The following SPIDR variants were observed in gnomAD, a reference collection of about 807,000 sequenced individuals.
SPIDR encodes the protein scaffold protein involved in DNA repair, also known as DNA repair-scaffolding protein.
In SPIDR, 93 loss-of-function variants were observed where a neutral mutation model predicts 104.6. That is an observed-to-expected ratio of 0.89 (90% CI 0.75 to 1.06). SPIDR has a LOEUF of 1.06. SPIDR is among the 50% of genes least tolerant of loss of function. The pLI is 0.00. For synonymous variants in SPIDR, 431 were observed against 416.9 expected (o/e 1.03, Z -0.41); for missense variants, 1,154 against 1,111.2 (o/e 1.04, Z -0.55).
chr8:47,708,021 C>T (rs1303767277), intron 14 of SPIDR, among the ~76,000 whole-genome samples: 1 of 152,114 alleles, frequency 6.6e-6, no homozygotes, highest in East Asian at 1.9e-4. Flanking sequence ...TTTCCTGGGC[C>T]GGACACGGTG....
At chr8:47,387,920 C>A (rs1180112276) in intron 5 of SPIDR, among the ~76,000 whole-genome samples, 2 of 152,214 alleles carry the variant, frequency 1.3e-5, no homozygotes, top group African/African-American at 4.8e-5. Flanking sequence ...TCCTCCACAG[C>A]TTGCTCCTCA....
intron 19 of SPIDR, among the ~76,000 whole-genome samples, chr8:47,733,519 G>C (rs1305845908): frequency 6.6e-6 from 1 of 152,032 alleles, no homozygotes; most frequent in African/African-American, 2.4e-5. Context: ...AAGACCATAG[G>C]GTCATCTGTT....
intron 8 of SPIDR, among the ~76,000 whole-genome samples, chr8:47,505,226 A>G (rs936255142): frequency 6.6e-6 from 1 of 152,142 alleles, no homozygotes; most frequent in African/African-American, 2.4e-5. Context: ...TCCTGCCCCC[A>G]GAGGTGGAGG....
chr8:47,678,591 C>T (rs2076723560), intron 11 of SPIDR, among the ~76,000 whole-genome samples: 1 of 152,160 alleles, frequency 6.6e-6, no homozygotes, highest in Non-Finnish European at 1.5e-5. Flanking sequence ...TCAGAGCACC[C>T]ACTTTGGAGG....
intron 5 of SPIDR, among the ~76,000 whole-genome samples, chr8:47,323,158 C>G (rs935628896): frequency 1.3e-5 from 2 of 151,076 alleles, no homozygotes; most frequent in Admixed American, 1.3e-4. Context: ...ATGTGATAAA[C>G]TGTCATAGCT....
At chr8:47,685,355 CA>C (rs2077616589) in intron 11 of SPIDR, among the ~76,000 whole-genome samples, 1 of 151,910 alleles carries the variant, frequency 6.6e-6, no homozygotes. Flanking sequence ...AGTAAATGGG[CA>C]GGGTTTTGTT....
chr8:47,325,456 A>G (rs908822874), intron 5 of SPIDR, among the ~76,000 whole-genome samples: 21 of 152,216 alleles, frequency 1.4e-4, no homozygotes, highest in African/African-American at 5.1e-4. Context: ...AATTTGAAGG[A>G]TAAGATTTGT....
chr8:47,336,332 G>T (rs2049739387), intron 5 of SPIDR, among the ~76,000 whole-genome samples: 1 of 152,166 alleles, frequency 6.6e-6, no homozygotes, highest in African/African-American at 2.4e-5. Flanking sequence ...CAGGGGTTTG[G>T]TCTAGGTCCT....
intron 7 of SPIDR, among the ~76,000 whole-genome samples, chr8:47,412,217 T>G (rs2063632766): frequency 6.6e-6 from 1 of 152,242 alleles, no homozygotes; most frequent in South Asian, 2.1e-4. Context: ...TTGATGGGGA[T>G]GGCATTGAAT....
intron 11 of SPIDR, among the ~76,000 whole-genome samples, chr8:47,692,385 C>T (rs1314326750): frequency 2.6e-5 from 4 of 151,572 alleles, no homozygotes; most frequent in Non-Finnish European, 4.4e-5. Flanking sequence ...CCGTTCTGGA[C>T]GTTTCCTGTC....
At chr8:47,542,709 T>G (rs539808806) in intron 8 of SPIDR, among the ~76,000 whole-genome samples, 4 of 152,296 alleles carry the variant, frequency 2.6e-5, no homozygotes, top group African/African-American at 7.2e-5. Context: ...TTACCCAGTT[T>G]CCACTAAGGG....
At chr8:47,398,361 G>A (rs149648778) in intron 6 of SPIDR, among the ~76,000 whole-genome samples, 85 of 152,224 alleles carry the variant, frequency 5.6e-4, no homozygotes, top group African/African-American at 2.0e-3. Flanking sequence ...ATGGAGCCCC[G>A]CTTGTGTCGA....
intron 19 of SPIDR, among the ~76,000 whole-genome samples, chr8:47,730,906 C>T (rs998326520): frequency 6.6e-6 from 1 of 152,150 alleles, no homozygotes; most frequent in African/African-American, 2.4e-5. Flanking sequence ...AGTCTATGAG[C>T]GGGATCTTTG....
chr8:47,640,965 G>A (rs2068850216), intron 10 of SPIDR, among the ~76,000 whole-genome samples: 2 of 143,604 alleles, frequency 1.4e-5, no homozygotes, highest in South Asian at 2.2e-4. Flanking sequence ...TGCCCATCTC[G>A]GCCTCCCAAA....
intron 1 of SPIDR, among the ~76,000 whole-genome samples, chr8:47,274,737 G>A (rs894943208): frequency 5.9e-5 from 9 of 151,366 alleles, no homozygotes; most frequent in Admixed American, 5.3e-4. Context: ...GACCACACCC[G>A]GCTAATTTTT....
chr8:47,530,149 T>C (rs774140646), intron 8 of SPIDR, among the ~76,000 whole-genome samples: 1 of 152,158 alleles, frequency 6.6e-6, no homozygotes, highest in Non-Finnish European at 1.5e-5. Flanking sequence ...CCATGGAACA[T>C]TGTAACAAAA....
intron 8 of SPIDR, among the ~76,000 whole-genome samples, chr8:47,460,401 T>G (rs954093970): frequency 2.0e-5 from 3 of 152,098 alleles, no homozygotes; most frequent in Admixed American, 2.0e-4. Flanking sequence ...CAAAAGTAAT[T>G]GTGGTTTTTG....
intron 5 of SPIDR, among the ~76,000 whole-genome samples, chr8:47,320,762 C>T (rs1184357076): frequency 1.3e-5 from 2 of 152,216 alleles, no homozygotes; most frequent in African/African-American, 4.8e-5. Flanking sequence ...ATCAAGTGGG[C>T]TTCATCCCTG....
chr8:47,400,278 C>T (rs2061705718), intron 6 of SPIDR, among the ~76,000 whole-genome samples: 3 of 152,180 alleles, frequency 2.0e-5, no homozygotes, highest in Non-Finnish European at 4.4e-5. Flanking sequence ...GGGGACGTTC[C>T]TAGAAGTGGC....
Sources: gnomAD v4.1 joint callset for allele counts (sites outside exome capture counted in the v4.1 genomes callset) on GRCh38, gnomAD v4.1.1 for gene constraint, MANE v1.5 for transcripts, NCBI Gene and HGNC (gene_info 2026-07-23, HGNC 2026-07-21) for gene names.